The following CYP2F1 variants were observed in gnomAD, a reference collection of about 807,000 sequenced individuals.
CYP2F1 encodes the protein cytochrome P450 2F1.
A neutral mutation model predicts 40.4 loss-of-function variants in CYP2F1; 33 were observed. The ratio of observed to expected loss-of-function variants is 0.82; its 90% confidence interval spans 0.62 to 1.09. The LOEUF (loss-of-function observed/expected upper bound fraction) is 1.09. Ranked by LOEUF, CYP2F1 falls within the 50% of genes least tolerant of loss-of-function variation. The pLI, the probability that CYP2F1 is intolerant of heterozygous loss-of-function variation, is 0.00. For missense variants in CYP2F1, 566 were observed against 655.7 expected (o/e 0.86, Z 1.49); for synonymous variants, 235 against 277.2 (o/e 0.85, Z 1.51).
At chr19:41,115,033 G>A (rs942554356) in intron 1 of CYP2F1, among the ~76,000 whole-genome samples, 1 of 152,098 alleles carries the variant, frequency 6.6e-6, no homozygotes. Context: ...GCCTCCCAGA[G>A]TGCTGGGATT....
At chr19:41,123,456 G>A (rs1036834138) in intron 7 of CYP2F1, 6 of 335,780 alleles carry the variant, frequency 1.8e-5, no homozygotes, top group Non-Finnish European at 3.5e-5. Flanking sequence ...GGCCTCAAGT[G>A]ATCCACCTGC....
rs551210947 is a variant in CYP2F1 at position 41,119,608 on chromosome 19, G to C, written c.335-739G>C. ...GGAGGCTGAGGCAGAAGAATTGCTT[G>C]AACCCGGGAGGCGGAGGTTGCAGTA... On this transcript the variant is annotated intron_variant, in intron 3 of 9. Coordinates refer to ENST00000331105, the MANE Select transcript of CYP2F1 (RefSeq NM_000774.5). Among the ~76,000 whole-genome samples the C allele has an allele frequency of 3.6e-4, 54 of 151,294 alleles. 2 individuals carry two copies. Among genetic ancestry groups the C allele is most frequent in the African/African-American group, 1.2e-3 (51 of 41,182 alleles).
At chr19:41,124,574 A>C in intron 7 of CYP2F1, 145 bp from the exon 8 acceptor site, 2 of 731,754 alleles carry the variant, frequency 2.7e-6, no homozygotes, top group Non-Finnish European at 4.4e-6. Context: ...GCTCTAGCTA[A>C]TTCTCACGTG....
At chr19:41,125,811 G>A (rs4803429) in intron 9 of CYP2F1, 177 bp downstream of exon 9, 151,169 of 1,361,602 alleles carry the variant, frequency 0.11, 2,472 homozygotes, top group Admixed American at 0.23. Flanking sequence ...TAAAATCCTC[G>A]TGAAGCAAGG....
At chr19:41,115,153 C>T (rs1329081861) in intron 1 of CYP2F1, among the ~76,000 whole-genome samples, 1 of 152,088 alleles carries the variant, frequency 6.6e-6, no homozygotes, top group African/African-American at 2.4e-5. Flanking sequence ...TTCTCTCTCT[C>T]TCTCTCTCCA....
chr19:41,123,271 C>A, intron 7 of CYP2F1: 2 of 466,190 alleles, frequency 4.3e-6, no homozygotes, highest in South Asian at 3.3e-5. Flanking sequence ...GATCTCGATC[C>A]GCTCACTGCA....
chr19:41,124,254 C>CAA (rs1271849007), intron 7 of CYP2F1, among the ~76,000 whole-genome samples: 3 of 72,500 alleles, frequency 4.1e-5, no homozygotes, highest in African/African-American at 6.2e-5. Flanking sequence ...TTCCCCCCCC[C>CAA]CTTTTTTTTT....
intron 3 of CYP2F1, among the ~76,000 whole-genome samples, chr19:41,116,939 C>T (rs1170351376): frequency 6.6e-6 from 1 of 152,014 alleles, no homozygotes; most frequent in African/African-American, 2.4e-5. Context: ...GGCCCCAGTT[C>T]CCACTGACCA....
At chr19:41,125,736 C>G (rs2032517926) in intron 9 of CYP2F1, 102 bp downstream of exon 9, 1 of 1,613,120 alleles carries the variant, frequency 6.2e-7, no homozygotes, top group African/African-American at 1.3e-5. Context: ...CACCCATTCT[C>G]AGCTTTGGAT....
intron 7 of CYP2F1, among the ~76,000 whole-genome samples, chr19:41,124,255 C>T (rs1277737016): frequency 1.7e-4 from 6 of 35,276 alleles, no homozygotes; most frequent in Admixed American, 4.3e-4. Context: ...TCCCCCCCCC[C>T]TTTTTTTTTT....
chr19:41,125,368 G>A (rs2032491046), intron 8 of CYP2F1, 125 bp from the exon 9 acceptor site: 5 of 608,908 alleles, frequency 8.2e-6, no homozygotes, highest in Non-Finnish European at 1.5e-5. Context: ...CCCCGATTGA[G>A]TCCTATACCC....
rs201165213 is a variant in CYP2F1 at position 41,120,373 on chromosome 19, T to C, written c.361T>C (p.Trp121Arg). Residue 121 changes from tryptophan (W) to arginine (R), a missense_variant, in exon 4 of 10, where the codon TGG becomes CGG. Coordinates refer to ENST00000331105, the MANE Select transcript of CYP2F1 (RefSeq NM_000774.5). ...CATCGCCTTCTCCAGTGGGGATCGA[T>C]GGAAGGTCCTGAGACAGTTCTCTAT... Reference protein sequence around the residue: ...NGIAFSSGDRWKVLRQFSIQI... With the variant: ...NGIAFSSGDRRKVLRQFSIQI... The C allele has an allele frequency of 3.1e-6, 5 of 1,609,844 alleles. No homozygotes were observed. Among genetic ancestry groups the C allele is most frequent in the Non-Finnish European group, 4.2e-6 (5 of 1,178,596 alleles).
chr19:41,122,389 T>C (rs1360429666), intron 6 of CYP2F1, among the ~76,000 whole-genome samples: 1 of 152,068 alleles, frequency 6.6e-6, no homozygotes, highest in East Asian at 1.9e-4. Context: ...CCCAGCACTT[T>C]GGAAGGCCGA....
In CYP2F1 at chr19:41,125,676, T is replaced by C. The variant is rs756628771; in HGVS notation, c.1294+42T>C. 2.5e-6 allele frequency: 4 copies of C among 1,613,840 alleles called. No homozygotes were observed. The South Asian group carries it at 4.4e-5, about 18-fold the overall frequency. On this transcript the variant is annotated intron_variant, in intron 9 of 9. Transcript: ENST00000331105. ...GAGTCTTTCTGGCCCAATTTCTACC[T>C]ACATTCCTCACCCTAATTCCACTTG... is the stretch of plus-strand genomic sequence containing the variant.
intron 1 of CYP2F1, among the ~76,000 whole-genome samples, chr19:41,114,960 G>C (rs969584997): frequency 1.3e-5 from 2 of 151,966 alleles, no homozygotes; most frequent in African/African-American, 4.8e-5. Flanking sequence ...AGTAGAGACA[G>C]GGTTTCACCA....
intron 6 of CYP2F1, 100 bp from the exon 7 acceptor site, chr19:41,122,722 A>G: frequency 2.3e-6 from 3 of 1,287,930 alleles, no homozygotes; most frequent in Non-Finnish European, 2.1e-6. Flanking sequence ...AGAAAGTTAA[A>G]CCCAGCTGGG....
rs140610464 is a variant in CYP2F1, at chr19:41,119,473, G to A, written c.335-874G>A. Among the ~76,000 whole-genome samples, 97 of 151,890 alleles carry A rather than the reference G, an allele frequency of 6.4e-4. 1 individual carries two copies. The East Asian group carries it at 0.015, about 23-fold the overall frequency. On this transcript the variant is annotated intron_variant, in intron 3 of 9. Transcript: ENST00000331105. ...ATTAAAAATACAAAAATTAGGCCAGGCGCAGTGGCTCATGCCTGTAATCCC... is the reference window on the plus strand; with the variant it reads ...ATTAAAAATACAAAAATTAGGCCAGACGCAGTGGCTCATGCCTGTAATCCC...
intron 3 of CYP2F1, among the ~76,000 whole-genome samples, chr19:41,117,638 A>G (rs928848258): frequency 3.3e-5 from 5 of 152,042 alleles, no homozygotes; most frequent in African/African-American, 4.8e-5. Context: ...CTCCATCCAC[A>G]TCACCAGCTT....
At chr19:41,125,868 C>T (rs1216272551) in intron 9 of CYP2F1, 11 of 712,558 alleles carry the variant, frequency 1.5e-5, no homozygotes, top group South Asian at 3.0e-5. Flanking sequence ...CATGGTGACT[C>T]ACACCTGTAA....
Sources: allele counts gnomAD v4.1 joint callset (sites outside exome capture counted in the v4.1 genomes callset), GRCh38; gene constraint gnomAD v4.1.1; transcripts MANE v1.5; gene names NCBI Gene and HGNC (gene_info 2026-07-23, HGNC 2026-07-21).